Variants in DENND1A observed in about 807,000 individuals in gnomAD.
The protein encoded by DENND1A is DENN domain-containing protein 1A.
Under a neutral mutation model 113.7 loss-of-function variants are expected in DENND1A, and 51 were observed. The ratio of observed to expected loss-of-function variants is 0.45; its 90% confidence interval spans 0.36 to 0.57. DENND1A has a LOEUF of 0.57. Ranked by LOEUF, DENND1A falls within the 20% of genes least tolerant of loss-of-function variation. The pLI is 0.00. For synonymous variants in DENND1A, 565 were observed against 570.8 expected (o/e 0.99, Z 0.14); for missense variants, 1,258 against 1,395.9 (o/e 0.90, Z 1.57).
chr9:123,853,110 A>G, intron 2 of DENND1A, among the ~76,000 whole-genome samples: 1 of 151,538 alleles, frequency 6.6e-6, no homozygotes, highest in East Asian at 2.0e-4. Flanking sequence ...AGTAGACACG[A>G]GGTTTCACCA....
chr9:123,519,663 C>T lies in DENND1A; in HGVS notation c.993+37907G>A, dbSNP rs370473734. Among the ~76,000 whole-genome samples the T allele has an allele frequency of 5.3e-5, 8 of 152,216 alleles. No homozygotes were observed. In the South Asian group the frequency reaches 8.3e-4, roughly 16 times the overall value. On this transcript the variant is annotated intron_variant, in intron 13 of 23. Coordinates refer to ENST00000394215, the MANE Select transcript of DENND1A (RefSeq NM_001352964.2). ...TGAACTCTTGGTCTTAAGTGATTTGCCTGCCTGACCTCCCAAAGTGCTTTG... is the reference window on the plus strand; with the variant it reads ...TGAACTCTTGGTCTTAAGTGATTTGTCTGCCTGACCTCCCAAAGTGCTTTG...
At chr9:123,544,665 G>A (rs538450749) in intron 13 of DENND1A, among the ~76,000 whole-genome samples, 1 of 152,290 alleles carries the variant, frequency 6.6e-6, no homozygotes, top group Admixed American at 6.5e-5. Flanking sequence ...TCTCCACAGG[G>A]GGGCTGTAAA....
chr9:123,853,638 T>C (rs1329054528), intron 2 of DENND1A, among the ~76,000 whole-genome samples: 1 of 152,184 alleles, frequency 6.6e-6, no homozygotes, highest in Non-Finnish European at 1.5e-5. Flanking sequence ...TACTCCAGCC[T>C]GGGTGACAGA....
intron 1 of DENND1A, among the ~76,000 whole-genome samples, chr9:123,891,501 T>C (rs1198234831): frequency 3.9e-5 from 6 of 152,194 alleles, no homozygotes; most frequent in Non-Finnish European, 1.5e-5. Flanking sequence ...GAACCTATTT[T>C]CCTAAGTGAT....
intron 13 of DENND1A, among the ~76,000 whole-genome samples, chr9:123,464,205 T>C (rs1232547712): frequency 1.3e-5 from 2 of 152,088 alleles, no homozygotes; most frequent in Non-Finnish European, 2.9e-5. Context: ...ACGAATAAAA[T>C]AGAGTTGGTA....
chr9:123,739,552 T>TG (rs933753870), intron 5 of DENND1A, among the ~76,000 whole-genome samples: 4 of 152,156 alleles, frequency 2.6e-5, no homozygotes, highest in Non-Finnish European at 5.9e-5. Context: ...AGCTTAGATA[T>TG]GACTTGCAGC....
intron 12 of DENND1A, among the ~76,000 whole-genome samples, chr9:123,568,736 A>G (rs1054502296): frequency 4.6e-5 from 7 of 152,096 alleles, no homozygotes; most frequent in African/African-American, 1.4e-4. Context: ...GATCACATGG[A>G]TACATCCACA....
At chr9:123,834,078 T>C (rs1332333183) in intron 2 of DENND1A, among the ~76,000 whole-genome samples, 2 of 152,116 alleles carry the variant, frequency 1.3e-5, no homozygotes, top group South Asian at 2.1e-4. Flanking sequence ...TCAAATAGAA[T>C]ACAGTTGTCT....
chr9:123,726,116 T>C (rs1367946075), intron 5 of DENND1A, among the ~76,000 whole-genome samples: 7 of 152,212 alleles, frequency 4.6e-5, no homozygotes, highest in Non-Finnish European at 8.8e-5. Context: ...ACTCACAGCA[T>C]TGATTTCCCT....
chr9:123,648,846 T>C (rs923783446), intron 9 of DENND1A, among the ~76,000 whole-genome samples: 2 of 152,228 alleles, frequency 1.3e-5, no homozygotes, highest in African/African-American at 4.8e-5. Flanking sequence ...TTTTTTCCTA[T>C]GTGGACAGCC....
intron 8 of DENND1A, among the ~76,000 whole-genome samples, chr9:123,655,551 G>A (rs369313794): frequency 1.8e-4 from 27 of 152,318 alleles, no homozygotes; most frequent in Non-Finnish European, 3.2e-4. Context: ...TGGGAATGGC[G>A]GAGGGAGGGA....
At position 123,615,780 on chromosome 9, in the gene DENND1A, TC is replaced by T. The variant is rs1230897097; in HGVS notation, c.720-6300del. On this transcript the variant is annotated intron_variant, in intron 10 of 23. Coordinates refer to ENST00000394215, the MANE Select transcript of DENND1A (RefSeq NM_001352964.2). ...AGTCACAAAAGCACAGAATCCTGTT[TC>T]CCAGAGCCTCCCATGGTGCCATGTG... Among the ~76,000 whole-genome samples the T allele has an allele frequency of 2.0e-5, 3 of 152,278 alleles. No homozygotes were observed. In the South Asian group the frequency reaches 6.2e-4, roughly 32 times the overall value.
At chr9:123,513,560 G>T (rs1377566917) in intron 13 of DENND1A, among the ~76,000 whole-genome samples, 1 of 152,220 alleles carries the variant, frequency 6.6e-6, no homozygotes, top group African/African-American at 2.4e-5. Context: ...CGCCAGAGCG[G>T]GAAGAGCCGC....
At chr9:123,654,053 A>C (rs527501388) in intron 8 of DENND1A, among the ~76,000 whole-genome samples, 1 of 152,268 alleles carries the variant, frequency 6.6e-6, no homozygotes, top group East Asian at 1.9e-4. Flanking sequence ...AAACTCAGTG[A>C]AAAACAAAAC....
chr9:123,817,010 A>G (rs1482674392), intron 2 of DENND1A, among the ~76,000 whole-genome samples: 1 of 152,200 alleles, frequency 6.6e-6, no homozygotes, highest in Non-Finnish European at 1.5e-5. Flanking sequence ...CAGAGGAAGC[A>G]GGTTACTTCC....
At chr9:123,404,287 G>A (rs575374438) in intron 20 of DENND1A, among the ~76,000 whole-genome samples, 6 of 152,208 alleles carry the variant, frequency 3.9e-5, no homozygotes, top group Non-Finnish European at 8.8e-5. Context: ...GTTAGGCTGA[G>A]AATTTCTAGG....
At chr9:123,800,614 C>T (rs1347268409) in intron 2 of DENND1A, among the ~76,000 whole-genome samples, 12 of 152,174 alleles carry the variant, frequency 7.9e-5, no homozygotes, top group Non-Finnish European at 1.6e-4. Flanking sequence ...AATAAGAATA[C>T]ATCTGGACAA....
At chr9:123,902,718 T>C (rs924903284) in intron 1 of DENND1A, among the ~76,000 whole-genome samples, 8 of 143,710 alleles carry the variant, frequency 5.6e-5, no homozygotes, top group Non-Finnish European at 1.1e-4. Flanking sequence ...CATCCTTAAA[T>C]AGAACAGAGA....
At chr9:123,583,341 C>T in intron 11 of DENND1A, 71 bp from the exon 12 acceptor site, 1 of 1,159,378 alleles carries the variant, frequency 8.6e-7, no homozygotes, top group East Asian at 2.4e-5. Context: ...CCTGCCTTCT[C>T]TGGGGAAGAG....
Sources: gnomAD v4.1 joint callset for allele counts (sites outside exome capture counted in the v4.1 genomes callset) on GRCh38, gnomAD v4.1.1 for gene constraint, MANE v1.5 for transcripts, NCBI Gene and HGNC (gene_info 2026-07-23, HGNC 2026-07-21) for gene names.